The following CSMD3 variants were observed in gnomAD, a reference collection of about 807,000 sequenced individuals.
The protein encoded by CSMD3 is CUB and sushi domain-containing protein 3.
Under a neutral mutation model 435.2 loss-of-function variants are expected in CSMD3, and 177 were observed. The ratio of observed to expected loss-of-function variants is 0.41; its 90% CI spans 0.36 to 0.46. The LOEUF (loss-of-function observed/expected upper bound fraction) is 0.46, where lower values mean the gene tolerates loss of function less well. Among genes scored for constraint, CSMD3 ranks in the 20% least tolerant of loss-of-function variants. The pLI is 0.34. For synonymous variants in CSMD3, 1,656 were observed against 1,520.5 expected (o/e 1.09, Z -2.07); for missense variants, 4,265 against 4,504.6 (o/e 0.95, Z 1.52).
Position 113,210,044 on chromosome 8 carries a change from G to GTGTGTGTGTGTA in CSMD3, c.515-36129_515-36128insTACACACACACA, listed in dbSNP as rs57446626. Among the ~76,000 whole-genome samples the GTGTGTGTGTGTA allele has an allele frequency of 2.4e-3, 353 of 149,438 alleles. 2 individuals carry two copies. Among genetic ancestry groups the GTGTGTGTGTGTA allele is most frequent in the Non-Finnish European group, 2.9e-3 (196 of 67,248 alleles). On this transcript the variant is annotated intron_variant, in intron 3 of 70. Transcript: ENST00000297405. The stretch of plus-strand genomic sequence containing the variant: ...TGTGTGTGTGTGTGTGTGTGTGTGT[G>GTGTGTGTGTGTA]TGATACACAGTGTTTTCTAATTTTA...
intron 23 of CSMD3, among the ~76,000 whole-genome samples, chr8:112,575,825 T>A (rs1310274994): frequency 6.6e-6 from 1 of 152,112 alleles, no homozygotes; most frequent in Middle Eastern, 3.2e-3. Context: ...ATGTTCAATA[T>A]TCTCAAAAGT....
chr8:113,238,906 C>T (rs950783721), intron 3 of CSMD3, among the ~76,000 whole-genome samples: 1 of 152,104 alleles, frequency 6.6e-6, no homozygotes, highest in Admixed American at 6.6e-5. Flanking sequence ...TTCCAAGATA[C>T]TTGGTCAAAC....
intron 5 of CSMD3, among the ~76,000 whole-genome samples, chr8:113,076,767 G>A (rs1237422007): frequency 2.6e-5 from 4 of 151,992 alleles, no homozygotes; most frequent in Non-Finnish European, 5.9e-5. Flanking sequence ...TAAAACTATG[G>A]TTACAATAAT....
chr8:112,358,501 G>A (rs1826859951), intron 38 of CSMD3, among the ~76,000 whole-genome samples: 1 of 152,122 alleles, frequency 6.6e-6, no homozygotes, highest in African/African-American at 2.4e-5. Flanking sequence ...CCCATGTATT[G>A]TGGGAGGAAC....
At chr8:113,031,789 G>T (rs1005542157) in intron 5 of CSMD3, among the ~76,000 whole-genome samples, 5 of 151,512 alleles carry the variant, frequency 3.3e-5, no homozygotes, top group African/African-American at 1.2e-4. Flanking sequence ...GGGTTCATAT[G>T]GTTTGGCTTT....
chr8:113,346,900 G>C (rs2094155392), intron 1 of CSMD3, among the ~76,000 whole-genome samples: 1 of 151,958 alleles, frequency 6.6e-6, no homozygotes, highest in African/African-American at 2.4e-5. Context: ...AGATTTTGTG[G>C]AGTCTGATAT....
chr8:112,464,489 T>A lies in CSMD3; in HGVS notation c.5395+8102A>T, dbSNP rs926589354. ...TTTATTAATTATGAAATAATTATGATTAATAATTAATATAAGTAGGGTAAG... is the reference window on the plus strand; with the variant it reads ...TTTATTAATTATGAAATAATTATGAATAATAATTAATATAAGTAGGGTAAG... On this transcript the variant is annotated intron_variant, in intron 32 of 70. Transcript: ENST00000297405. Among the ~76,000 whole-genome samples, 27 of 152,116 alleles carry A rather than the reference T, an allele frequency of 1.8e-4. No homozygotes were observed. The Middle Eastern group carries it at 0.01, about 57-fold the overall frequency.
intron 10 of CSMD3, among the ~76,000 whole-genome samples, chr8:112,903,151 C>CAAA (rs763330055): frequency 0.011 from 565 of 53,756 alleles, 50 homozygotes; most frequent in Non-Finnish European, 0.015. Flanking sequence ...GCAGTCTTGG[C>CAAA]AAAAAAAAAA....
chr8:113,226,816 T>C (rs2093034034), intron 3 of CSMD3, among the ~76,000 whole-genome samples: 1 of 151,602 alleles, frequency 6.6e-6, no homozygotes, highest in Admixed American at 6.6e-5. Flanking sequence ...TGCTTCCTTA[T>C]ATGAACAATA....
At chr8:112,854,751 A>G (rs936044910) in intron 11 of CSMD3, among the ~76,000 whole-genome samples, 14 of 152,296 alleles carry the variant, frequency 9.2e-5, no homozygotes, top group Middle Eastern at 3.4e-3. Context: ...CCGAGTTTTC[A>G]GAGTCATTTC....
At chr8:113,335,509 T>C (rs2094065849) in intron 1 of CSMD3, among the ~76,000 whole-genome samples, 1 of 149,474 alleles carries the variant, frequency 6.7e-6, no homozygotes, top group South Asian at 2.1e-4. Flanking sequence ...TACTACTCCT[T>C]GCTCTGGATT....
chr8:112,973,494 C>T (rs2084735616), intron 7 of CSMD3, among the ~76,000 whole-genome samples: 1 of 151,830 alleles, frequency 6.6e-6, no homozygotes, highest in Non-Finnish European at 1.5e-5. Flanking sequence ...CATTATTTAT[C>T]TTTATTTCCT....
chr8:112,229,311 G>T lies in CSMD3; in HGVS notation c.10829-420C>A, dbSNP rs564237012. Among the ~76,000 whole-genome samples the T allele has an allele frequency of 2.8e-3, 420 of 152,310 alleles. 4 individuals carry two copies. Among genetic ancestry groups the T allele is most frequent in the African/African-American group, 9.5e-3 (395 of 41,584 alleles). On this transcript the variant is annotated intron_variant, in intron 69 of 70. Transcript: ENST00000297405. Reference sequence around the variant, plus strand: ...AAGGTAAGTGGCTTAGGTAGTGGATGTGACAAGCACTGACATGAAATAGGA... The same window carrying T: ...AAGGTAAGTGGCTTAGGTAGTGGATTTGACAAGCACTGACATGAAATAGGA...
At chr8:112,631,077 T>C (rs1425528277) in intron 22 of CSMD3, among the ~76,000 whole-genome samples, 2 of 150,832 alleles carry the variant, frequency 1.3e-5, no homozygotes, top group African/African-American at 2.4e-5. Flanking sequence ...GGATGAAAAA[T>C]TAGAGAATAG....
intron 31 of CSMD3, among the ~76,000 whole-genome samples, chr8:112,481,670 A>G (rs1422405764): frequency 6.6e-6 from 1 of 152,188 alleles, no homozygotes; most frequent in African/African-American, 2.4e-5. Flanking sequence ...CATAAATCCT[A>G]GTATAGAATA....
intron 28 of CSMD3, among the ~76,000 whole-genome samples, chr8:112,511,395 T>C (rs1434961463): frequency 2.1e-5 from 3 of 143,412 alleles, no homozygotes; most frequent in East Asian, 4.0e-4. Context: ...TTTTTTTTTT[T>C]TTTTTTTTTT....
intron 54 of CSMD3, among the ~76,000 whole-genome samples, chr8:112,294,877 T>G (rs538430454): frequency 6.6e-6 from 1 of 152,132 alleles, no homozygotes; most frequent in Non-Finnish European, 1.5e-5. Flanking sequence ...AAATAAACTT[T>G]TATTTATTTT....
intron 31 of CSMD3, among the ~76,000 whole-genome samples, chr8:112,492,053 C>A (rs913472274): frequency 6.6e-6 from 1 of 152,082 alleles, no homozygotes; most frequent in Non-Finnish European, 1.5e-5. Context: ...TCTTCTTTAT[C>A]CTTATTACAG....
chr8:112,821,053 T>C (rs533271405), intron 12 of CSMD3, among the ~76,000 whole-genome samples: 2 of 152,328 alleles, frequency 1.3e-5, no homozygotes, highest in African/African-American at 2.4e-5. Context: ...CAGTCTATCG[T>C]TGATGGGCAT....
Sources: allele counts gnomAD v4.1 joint callset (sites outside exome capture counted in the v4.1 genomes callset), GRCh38; gene constraint gnomAD v4.1.1; transcripts MANE v1.5; gene names NCBI Gene and HGNC (gene_info 2026-07-23, HGNC 2026-07-21).